EPAS1: variants seen among roughly 807,000 people sequenced by gnomAD.
EPAS1 encodes the protein endothelial PAS domain protein 1.
In EPAS1, 23 loss-of-function variants were observed where a neutral mutation model predicts 87.9. That is an observed-to-expected ratio of 0.26 (90% CI 0.19 to 0.37). EPAS1 has a LOEUF of 0.37. Among genes scored for constraint, EPAS1 ranks in the 10% least tolerant of loss-of-function variants. The pLI is 1.00. For missense variants in EPAS1, 1,138 were observed against 1,120.7 expected (o/e 1.02, Z -0.22); for synonymous variants, 508 against 444.3 (o/e 1.14, Z -1.80).
intron 1 of EPAS1, among the ~76,000 whole-genome samples, 178 bp downstream of exon 1, chr2:46,298,115 A>G (rs573679825): frequency 4.8e-4 from 73 of 152,162 alleles, no homozygotes; most frequent in African/African-American, 1.7e-3. Flanking sequence ...GCGGATCAGC[A>G]GCTTTGCAGT....
chr2:46,345,522 T>G (rs1439526137), intron 1 of EPAS1, among the ~76,000 whole-genome samples: 1 of 152,140 alleles, frequency 6.6e-6, no homozygotes, highest in East Asian at 1.9e-4. Flanking sequence ...ATTTACCTGC[T>G]GGAGGCCACA....
chr2:46,334,541 A>C (rs1683751008), intron 1 of EPAS1, among the ~76,000 whole-genome samples: 1 of 152,072 alleles, frequency 6.6e-6, no homozygotes, highest in African/African-American at 2.4e-5. Context: ...CCAGCCTTGC[A>C]GGCTTTCTCC....
At chr2:46,324,505 T>C (rs1457575032) in intron 1 of EPAS1, among the ~76,000 whole-genome samples, 3 of 152,180 alleles carry the variant, frequency 2.0e-5, no homozygotes, top group Non-Finnish European at 4.4e-5. Flanking sequence ...ATGCTGGAGG[T>C]AGGGAACAGT....
chr2:46,351,312 T>C lies in EPAS1; in HGVS notation c.217+4249T>C, dbSNP rs181664251. Among the ~76,000 whole-genome samples, 50 of 152,276 alleles carry C rather than the reference T, an allele frequency of 3.3e-4. 1 individual carries two copies. The highest frequency in any genetic ancestry group is 2.8e-3 in the Admixed American group (43 of 15,300). On this transcript the variant is annotated intron_variant, in intron 2 of 15. Transcript: ENST00000263734. ...CAGTCCTGTACTACATCAAGGGTAA[T>C]ACAGAGAGGCAAGATAGGATAGTAA...
In EPAS1 at chr2:46,380,576, C is replaced by T; in HGVS notation, c.1904C>T (p.Ser635Phe). ...CCTCTCTCTTCCATGGGGGGCAGAT[C>T]CAATACCCAGTGGCCCCCAGATCCA... ...STPLSSMGGR[S>F]NTQWPPDPPL... is the part of the protein sequence containing the mutation. Residue 635 changes from serine (S) to phenylalanine (F), a missense_variant, in exon 12 of 16, where the codon TCC becomes TTC. By Grantham distance (155) the Ser-to-Phe change is radical. This residue lies in a region of EPAS1 where 502 missense variants were observed against 427.1 expected (regional missense o/e 1.18). Coordinates refer to ENST00000263734, the MANE Select transcript of EPAS1 (RefSeq NM_001430.5). This position sits in a 1 kb window ranked among gnomAD's most constrained non-coding sequence, Gnocchi z 4.4. The T allele has an allele frequency of 6.2e-7, 1 of 1,614,130 alleles. No individual in the cohort carries two copies. The highest frequency in any genetic ancestry group is 8.5e-7 in the Non-Finnish European group (1 of 1,180,014).
At position 46,375,683 on chromosome 2, in the gene EPAS1, C is replaced by G; in HGVS notation, c.887-7C>G. On this transcript the variant is annotated splice_region_variant and splice_polypyrimidine_tract_variant and intron_variant, in intron 7 of 15. Transcript: ENST00000263734. The surrounding 1 kb of genome is among the most constrained non-coding windows in gnomAD (Gnocchi z 4.1). ...CCCTAAGCTCAGCTCTGTTTCTCCT[C>G]CCCTAGTGTGCACCAAGGGTCAGGT... 6.2e-7 allele frequency: 1 copy of G among 1,613,818 alleles called. No individual in the cohort carries two copies. Among genetic ancestry groups the G allele is most frequent in the Non-Finnish European group, 8.5e-7 (1 of 1,179,864 alleles).
At position 46,375,773 on chromosome 2, in the gene EPAS1, A is replaced by G; in HGVS notation, c.970A>G (p.Thr324Ala). The G allele has an allele frequency of 2.5e-6, 4 of 1,614,142 alleles. No homozygotes were observed. Among genetic ancestry groups the G allele is most frequent in the Non-Finnish European group, 3.4e-6 (4 of 1,180,006 alleles). Residue 324 changes from threonine to alanine, a missense_variant, in exon 8 of 16, where the codon ACG (threonine) becomes GCG (alanine). Transcript: ENST00000263734. This position sits in a 1 kb window ranked among gnomAD's most constrained non-coding sequence, Gnocchi z 4.1. ...CTACGTGTGGCTGGAGACCCAGGGG[A>G]CGGTCATCTACAACCCTCGCAACCT... ...GGYVWLETQGTVIYNPRNLQP... is the reference protein window; with the variant it reads ...GGYVWLETQGAVIYNPRNLQP...
At chr2:46,309,212 T>C (rs1444051091) in intron 1 of EPAS1, among the ~76,000 whole-genome samples, 1 of 152,254 alleles carries the variant, frequency 6.6e-6, no homozygotes, top group Non-Finnish European at 1.5e-5. Flanking sequence ...TTATCCACCA[T>C]GCGTAGAGCA....
At chr2:46,381,431 G>T (rs1007422403) in intron 12 of EPAS1, 165 bp from the exon 13 acceptor site, 2 of 1,061,260 alleles carry the variant, frequency 1.9e-6, no homozygotes, top group Admixed American at 1.9e-5. Flanking sequence ...GACAGAGCTC[G>T]AGCTCGGCCT....
chr2:46,365,218 G>A (rs937506379), intron 6 of EPAS1, among the ~76,000 whole-genome samples: 2 of 152,202 alleles, frequency 1.3e-5, no homozygotes, highest in African/African-American at 2.4e-5. Context: ...ACCAAATTAT[G>A]TGGATAGGAG....
At chr2:46,322,616 C>T (rs189451238) in intron 1 of EPAS1, among the ~76,000 whole-genome samples, 1 of 152,308 alleles carries the variant, frequency 6.6e-6, no homozygotes, top group East Asian at 1.9e-4. Context: ...CCACTGCTTT[C>T]CATCAAGCCT....
chr2:46,321,337 A>C (rs1001889398), intron 1 of EPAS1, among the ~76,000 whole-genome samples: 1 of 152,220 alleles, frequency 6.6e-6, no homozygotes, highest in Non-Finnish European at 1.5e-5. Context: ...CATGGTGAAC[A>C]TGGTGTACAA....
Position 46,384,469 on chromosome 2 carries a change from G to A in EPAS1, c.2462-40G>A, listed in dbSNP as rs200135137. On this transcript the variant is annotated intron_variant, in intron 15 of 15. Transcript: ENST00000263734. ...GAAGTAGACACTTTTCCAAATGTTC[G>A]ATTTAGGCCTTTAAGTTATGGTACC... The A allele has an allele frequency of 3.6e-5, 58 of 1,614,014 alleles. No homozygotes were observed. In the African/African-American group the frequency reaches 5.1e-4, roughly 14 times the overall value.
intron 1 of EPAS1, among the ~76,000 whole-genome samples, chr2:46,307,151 A>C (rs1316556817): frequency 1.3e-5 from 2 of 152,190 alleles, no homozygotes; most frequent in African/African-American, 4.8e-5. Flanking sequence ...AAGAGTTCTC[A>C]GATGCTATTT....
intron 2 of EPAS1, among the ~76,000 whole-genome samples, chr2:46,352,945 C>T (rs1189512063): frequency 6.6e-6 from 1 of 152,228 alleles, no homozygotes; most frequent in Non-Finnish European, 1.5e-5. Context: ...ACCAGTTTGG[C>T]TGTGTTGGAA....
At chr2:46,344,716 G>A (rs1393322625) in intron 1 of EPAS1, among the ~76,000 whole-genome samples, 2 of 152,194 alleles carry the variant, frequency 1.3e-5, no homozygotes, top group Non-Finnish European at 2.9e-5. Flanking sequence ...GGAAGTCAGG[G>A]AGAGAGGGAA....
chr2:46,357,571 C>G (rs1197593254), intron 4 of EPAS1, among the ~76,000 whole-genome samples: 2 of 152,172 alleles, frequency 1.3e-5, no homozygotes, highest in Non-Finnish European at 2.9e-5. Flanking sequence ...TCTGCCCCAT[C>G]TTGTTGGTTA....
Position 46,353,312 on chromosome 2 carries a change from G to A in EPAS1, c.218-2839G>A, listed in dbSNP as rs1481057258. Among the ~76,000 whole-genome samples the A allele has an allele frequency of 3.3e-5, 5 of 152,184 alleles. No homozygotes were observed. In the East Asian group the frequency reaches 7.7e-4, roughly 24 times the overall value. The stretch of plus-strand genomic sequence containing the variant: ...ATGAGTAGCAGGGTCAGCGTCACCT[G>A]GGAACTTTTTAGAAAAACAGATTCT... On this transcript the variant is annotated intron_variant, in intron 2 of 15. Transcript: ENST00000263734.
chr2:46,375,266 T>C lies in EPAS1; in HGVS notation c.887-424T>C, dbSNP rs1684719962. Among the ~76,000 whole-genome samples the C allele has an allele frequency of 9.9e-6, 1 of 100,720 alleles. No homozygotes were observed. Among genetic ancestry groups the C allele is most frequent in the Admixed American group, 8.2e-5 (1 of 12,170 alleles). The allele number at this position is 100,720 out of a possible 152,430, so 66.1% of individuals were successfully genotyped here. ...TAGAAGTCCCCCCACCTGGAGTGCT[T>C]GACGGGATGGCGCTCCTTACCCAGT... On this transcript the variant is annotated intron_variant, in intron 7 of 15. Coordinates refer to ENST00000263734, the MANE Select transcript of EPAS1 (RefSeq NM_001430.5). The surrounding 1 kb of genome is among the most constrained non-coding windows in gnomAD (Gnocchi z 4.1).
Sources: gnomAD v4.1 joint callset for allele counts (sites outside exome capture counted in the v4.1 genomes callset) on GRCh38, gnomAD v4.1.1 for gene constraint, gnomAD v4.1.1 regional missense constraint, Gnocchi (gnomAD v3.1) non-coding constraint, MANE v1.5 for transcripts, NCBI Gene and HGNC (gene_info 2026-07-23, HGNC 2026-07-21) for gene names.